The following NAV1 variants were observed in gnomAD, a reference collection of about 807,000 sequenced individuals.
The protein encoded by NAV1 is pore membrane and/or filament interacting like protein 3.
A neutral mutation model predicts 175.2 loss-of-function variants in NAV1; 18 were observed. That is an observed-to-expected ratio of 0.10 (90% CI 0.07 to 0.15). NAV1 has a LOEUF of 0.15. NAV1 is among the 10% of genes least tolerant of loss of function. The pLI is 1.00. For missense variants in NAV1, 1,731 were observed against 2,436.6 expected (o/e 0.71, Z 6.10); for synonymous variants, 897 against 978.7 (o/e 0.92, Z 1.56).
At chr1:201,793,516 G>A in intron 13 of NAV1, 1 of 406,612 alleles carries the variant, frequency 2.5e-6, no homozygotes, top group Non-Finnish European at 4.6e-6. Flanking sequence ...TCTGGTAGTT[G>A]ATAGGTTTTA....
intron 3 of NAV1, among the ~76,000 whole-genome samples, chr1:201,742,078 CAG>C (rs1420787889): frequency 3.9e-5 from 6 of 152,184 alleles, no homozygotes; most frequent in Admixed American, 1.3e-4. Context: ...GGCAAGGAGA[CAG>C]GGGATGTTGT....
At chr1:201,622,886 T>C (rs1371948760), upstream of NAV1, 16 of 985,952 alleles carry the variant, frequency 1.6e-5, no homozygotes, top group African/African-American at 1.7e-5. Context: ...TTGCAGACCA[T>C]GAATGGGATG....
Position 201,718,768 on chromosome 1 carries a change from G to T in NAV1, c.1226+13G>T. 1 of 1,587,720 alleles carries T rather than the reference G, an allele frequency of 6.3e-7. No individual in the cohort carries two copies. The highest frequency in any genetic ancestry group is 8.6e-7 in the Non-Finnish European group (1 of 1,160,820). The stretch of plus-strand genomic sequence containing the variant: ...ACATCACTACCGGGTAAGCGCAGGG[G>T]CTTCTTGGATGGCGGGGGAGGATGG... On this transcript the variant is annotated intron_variant, in intron 3 of 29. Transcript: ENST00000367296. The surrounding 1 kb of genome is among the most constrained non-coding windows in gnomAD (Gnocchi z 4.8).
At chr1:201,820,828 T>TTTTTCC (rs1679339257) in exon 30 of NAV1, 1 of 151,278 alleles carries the variant, frequency 6.6e-6, no homozygotes, top group African/African-American at 2.4e-5. Context: ...TTTTTTTTTC[T>TTTTTCC]TTTTCCGTTT....
intron 2 of NAV1, among the ~76,000 whole-genome samples, chr1:201,606,694 C>G (rs188319193): frequency 3.9e-5 from 6 of 152,304 alleles, no homozygotes; most frequent in Admixed American, 2.6e-4. Context: ...AAGAACAGAA[C>G]AAGATCTGCT....
intron 1 of NAV1, among the ~76,000 whole-genome samples, chr1:201,559,117 C>G (rs896208647): frequency 3.3e-5 from 5 of 152,112 alleles, no homozygotes; most frequent in Admixed American, 6.5e-5. Flanking sequence ...GGAGATAACG[C>G]GTATAACACC....
Position 201,783,498 on chromosome 1 carries a change from C to A in NAV1, c.2450C>A (p.Thr817Asn), listed in dbSNP as rs770837509. 2.4e-5 allele frequency: 38 copies of A among 1,614,064 alleles called. 1 individual carries two copies. In the South Asian group the frequency reaches 3.6e-4, roughly 15 times the overall value. ...CTGGATCTACCATCATCCAGTGATA[C>A]CACCCATGCTTCAAAGGTCCCAGAT... Residue 817 changes from threonine to asparagine, a missense_variant, in exon 7 of 30, where the codon ACC becomes AAC. Physicochemically the swap from Thr to Asn is moderately conservative, Grantham distance 65 (BLOSUM62 0). Transcript: ENST00000367296.
Position 201,539,506 on chromosome 1 carries a change from T to C in NAV1, c.-144+164T>C, listed in dbSNP as rs1470387332. ...TGTGGGCTGGGCTCGGGAGAGGCGCTGGAATAAATAACAACCAAGATGCTC... is the reference window on the plus strand; with the variant it reads ...TGTGGGCTGGGCTCGGGAGAGGCGCCGGAATAAATAACAACCAAGATGCTC... On this transcript the variant is annotated intron_variant, in intron 1 of 33. Transcript: ENST00000685211. The surrounding 1 kb of genome is among the most constrained non-coding windows in gnomAD (Gnocchi z 5.6). Among the ~76,000 whole-genome samples the C allele has an allele frequency of 1.3e-5, 2 of 151,892 alleles. No individual in the cohort carries two copies. Among genetic ancestry groups the C allele is most frequent in the Admixed American group, 6.6e-5 (1 of 15,256 alleles).
rs936936626 is a variant in NAV1 at position 201,788,771 on chromosome 1, G to A, written c.3166+133G>A. ...CAGAACATCAAGTTGGGCCATTTCAGTTTTTTCTCCCCATCCCTTTGAAGG... is the reference window on the plus strand; with the variant it reads ...CAGAACATCAAGTTGGGCCATTTCAATTTTTTCTCCCCATCCCTTTGAAGG... On this transcript the variant is annotated intron_variant, in intron 10 of 29. Transcript: ENST00000367296. The surrounding 1 kb of genome is among the most constrained non-coding windows in gnomAD (Gnocchi z 5.7). 4 of 1,132,798 alleles carry A rather than the reference G, an allele frequency of 3.5e-6. No homozygotes were observed. The highest frequency in any genetic ancestry group is 1.6e-5 in the African/African-American group (1 of 63,780). 70.2% of individuals were successfully genotyped at this position (1,132,798 alleles called of 1,614,324 possible).
chr1:201,765,416 A>T (rs1214342296), intron 3 of NAV1, among the ~76,000 whole-genome samples: 2 of 120,436 alleles, frequency 1.7e-5, no homozygotes, highest in African/African-American at 3.5e-5. Context: ...TTTTTTTGAG[A>T]CAGACTCTTG....
intron 1 of NAV1, among the ~76,000 whole-genome samples, chr1:201,689,520 G>C (rs1257273789): frequency 6.6e-6 from 1 of 152,210 alleles, no homozygotes; most frequent in Non-Finnish European, 1.5e-5. Context: ...AGGTTCATAA[G>C]CAAAAGGGAC....
At chr1:201,727,334 C>T (rs1270685062) in intron 3 of NAV1, among the ~76,000 whole-genome samples, 1 of 152,124 alleles carries the variant, frequency 6.6e-6, no homozygotes, top group African/African-American at 2.4e-5. Flanking sequence ...GGAAGAATGA[C>T]ATAATAAGTT....
At chr1:201,752,691 G>A (rs1336149534) in intron 3 of NAV1, among the ~76,000 whole-genome samples, 1 of 151,930 alleles carries the variant, frequency 6.6e-6, no homozygotes, top group Admixed American at 6.6e-5. Flanking sequence ...TAATTGTCAG[G>A]TTTGTTGAGG....
intron 1 of NAV1, among the ~76,000 whole-genome samples, chr1:201,680,276 G>A (rs1017373679): frequency 2.0e-5 from 3 of 152,162 alleles, no homozygotes; most frequent in African/African-American, 7.2e-5. Flanking sequence ...TTGGGAGGCC[G>A]AGGTGGGCGG....
rs372048944 is a variant in NAV1 at position 201,588,633 on chromosome 1, G to GTGAGCCACACACCCAGGTA, written c.-44_-33+7dup. On this transcript the variant is annotated 5_prime_UTR_variant, in exon 2 of 34. It adds an upstream start codon to the 5' untranslated region. Coordinates refer to the NAV1 transcript ENST00000685211. ...CTCCCAAAGTGCTGGGATTACAGGT[G>GTGAGCCACACACCCAGGTA]TGAGCCACACACCCAGGTATGAGTT... Among the ~76,000 whole-genome samples, 195 of 150,732 alleles carry GTGAGCCACACACCCAGGTA rather than the reference G, an allele frequency of 1.3e-3. 1 individual carries two copies. The highest frequency in any genetic ancestry group is 6.8e-3 in the Middle Eastern group (2 of 292).
upstream of NAV1, among the ~76,000 whole-genome samples, chr1:201,645,242 T>C (rs1284219680): frequency 6.6e-6 from 1 of 151,940 alleles, no homozygotes; most frequent in Non-Finnish European, 1.5e-5. Flanking sequence ...TGAGTTCATG[T>C]CCTTTGTAGG....
Position 201,553,914 on chromosome 1 carries a change from G to A in NAV1, c.-144+14572G>A, listed in dbSNP as rs547909378. Among the ~76,000 whole-genome samples, 13 of 152,296 alleles carry A rather than the reference G, an allele frequency of 8.5e-5. No individual in the cohort carries two copies. The South Asian group carries it at 1.0e-3, about 12-fold the overall frequency. On this transcript the variant is annotated intron_variant, in intron 1 of 33. Transcript: ENST00000685211. Reference sequence around the variant, plus strand: ...GGAAACTTGAGATTCCTTTCATTGCGGTAGGATTCACATCTATCCAGCATC... The same window carrying A: ...GGAAACTTGAGATTCCTTTCATTGCAGTAGGATTCACATCTATCCAGCATC...
intron 1 of NAV1, among the ~76,000 whole-genome samples, chr1:201,571,397 C>T (rs1046092289): frequency 2.6e-5 from 4 of 152,216 alleles, no homozygotes; most frequent in Non-Finnish European, 4.4e-5. Flanking sequence ...TGGCTTAATA[C>T]GCCTTCAGGC....
intron 1 of NAV1, among the ~76,000 whole-genome samples, chr1:201,627,230 G>T (rs1668356638): frequency 6.6e-6 from 1 of 151,962 alleles, no homozygotes; most frequent in Admixed American, 6.6e-5. Flanking sequence ...AAAGCTCTGG[G>T]ATTAACAGTT....
Sources: allele counts gnomAD v4.1 joint callset (sites outside exome capture counted in the v4.1 genomes callset), GRCh38; gene constraint gnomAD v4.1.1; non-coding constraint Gnocchi (gnomAD v3.1); transcripts MANE v1.5; gene names NCBI Gene and HGNC (gene_info 2026-07-23, HGNC 2026-07-21).